TLE1: variants seen among roughly 807,000 people sequenced by gnomAD.
The protein encoded by TLE1 is TLE family member 1, transcriptional corepressor, also known as transducin-like enhancer protein 1.
In TLE1, 21 loss-of-function variants were observed where a neutral mutation model predicts 89.8. That is an observed-to-expected ratio of 0.23 (90% CI 0.17 to 0.34). The LOEUF (loss-of-function observed/expected upper bound fraction) is 0.34. Among genes scored for constraint, TLE1 ranks in the 10% least tolerant of loss-of-function variants. The probability of loss-of-function intolerance (pLI) is 1.00; values close to 1 mark genes in which losing one functional copy is unlikely to be tolerated. For synonymous variants in TLE1, 447 were observed against 407.6 expected, an observed-to-expected ratio of 1.10 and a Z score of -1.16; for missense variants, 795 against 1,031.2, an observed-to-expected ratio of 0.77 and a Z score of 3.14.
chr9:81,685,382 A>C (rs72749005), intron 4 of TLE1, among the ~76,000 whole-genome samples: 14,691 of 152,254 alleles, frequency 0.096, 753 homozygotes, highest in South Asian at 0.16. Flanking sequence ...TTTCAAGAGG[A>C]TAAATCTATA....
In TLE1 at chr9:81,611,962, G is replaced by A. The variant is rs777002641; in HGVS notation, c.1064-3C>T. The A allele has an allele frequency of 3.1e-5, 44 of 1,439,662 alleles. No homozygotes were observed. Among genetic ancestry groups the A allele is most frequent in the Non-Finnish European group, 3.7e-5 (41 of 1,094,882 alleles). 89.2% of individuals were successfully genotyped at this position (1,439,662 alleles called of 1,614,324 possible). The stretch of plus-strand genomic sequence containing the variant: ...CAGGGGTGTCCTCAAGCCAGCTGCT[G>A]AAAGGAAACACAAGCCGCACATCAT... On this transcript the variant is annotated splice_polypyrimidine_tract_variant and splice_region_variant and intron_variant, in intron 12 of 19. Transcript: ENST00000376499.
At chr9:81,685,108 G>A (rs966816625) in intron 4 of TLE1, among the ~76,000 whole-genome samples, 2 of 152,060 alleles carry the variant, frequency 1.3e-5, no homozygotes, top group Non-Finnish European at 2.9e-5. Flanking sequence ...GCCATAAAAA[G>A]ATGCTTTTTT....
chr9:81,595,116 A>G (rs1211005370), intron 14 of TLE1, among the ~76,000 whole-genome samples: 1 of 152,224 alleles, frequency 6.6e-6, no homozygotes, highest in Non-Finnish European at 1.5e-5. Flanking sequence ...GTCCTGGGGA[A>G]TAAATACACA....
chr9:81,676,448 G>T (rs1213950284), intron 4 of TLE1, among the ~76,000 whole-genome samples: 1 of 152,200 alleles, frequency 6.6e-6, no homozygotes, highest in Non-Finnish European at 1.5e-5. Context: ...ACTGGGACTT[G>T]AAGGAGACTG....
At chr9:81,590,390 C>T (rs1829311301) in intron 16 of TLE1, among the ~76,000 whole-genome samples, 1 of 152,178 alleles carries the variant, frequency 6.6e-6, no homozygotes. Flanking sequence ...CTTCTCATGT[C>T]CCTTTGTTGA....
At chr9:81,681,689 G>A (rs1348975231) in intron 4 of TLE1, among the ~76,000 whole-genome samples, 3 of 152,128 alleles carry the variant, frequency 2.0e-5, no homozygotes, top group African/African-American at 7.2e-5. Context: ...CAGGATTCCT[G>A]ACTTGTTTCT....
intron 4 of TLE1, among the ~76,000 whole-genome samples, chr9:81,658,737 A>G (rs1204089308): frequency 2.0e-5 from 3 of 152,258 alleles, no homozygotes; most frequent in Middle Eastern, 3.4e-3. Context: ...CTCCAAGAGG[A>G]CTTCATGAAC....
rs542992333 is a variant in TLE1 at position 81,611,802 on chromosome 9, CGCGGCGGCT to C, written c.1212_1220del (p.Ala407_Ala409del). On this transcript the variant is annotated inframe_deletion, in exon 13 of 20. Transcript: ENST00000376499. ...AGCGCCCGTAGGCCACCACGGCGGC[CGCGGCGGCT>C]GCGGCGCTCATCTGGGGCGACATGT... 2.9e-4 allele frequency: 444 copies of C among 1,547,878 alleles called. No homozygotes were observed. Among genetic ancestry groups the C allele is most frequent in the East Asian group, 1.3e-3 (51 of 39,318 alleles).
intron 4 of TLE1, 82 bp from the exon 5 acceptor site, chr9:81,654,118 A>G: frequency 1.6e-6 from 2 of 1,254,590 alleles, no homozygotes; most frequent in Non-Finnish European, 2.3e-6. Flanking sequence ...CTAACACTTC[A>G]GTCCTCCTCT....
At chr9:81,590,717 T>G (rs1250459577) in intron 16 of TLE1, 88 bp downstream of exon 16, 1 of 1,543,724 alleles carries the variant, frequency 6.5e-7, no homozygotes, top group Non-Finnish European at 8.7e-7. Context: ...TCTTATTGTG[T>G]GGGCTGCAGG....
chr9:81,604,787 A>G (rs1025810486), intron 14 of TLE1, among the ~76,000 whole-genome samples: 1 of 152,120 alleles, frequency 6.6e-6, no homozygotes, highest in Non-Finnish European at 1.5e-5. Context: ...GGATCCCTCA[A>G]GCTCTCTCTC....
intron 6 of TLE1, among the ~76,000 whole-genome samples, chr9:81,638,028 A>G (rs1827628383): frequency 6.6e-6 from 1 of 152,178 alleles, no homozygotes; most frequent in Non-Finnish European, 1.5e-5. Context: ...AAGAAAGGAA[A>G]AGGGCAAAGC....
chr9:81,588,445 C>T (rs1442107308), intron 16 of TLE1, among the ~76,000 whole-genome samples: 4 of 152,262 alleles, frequency 2.6e-5, no homozygotes, highest in South Asian at 4.1e-4. Flanking sequence ...CAAAGGGTCA[C>T]GCATGCCGGC....
chr9:81,597,943 T>A (rs148656064), intron 14 of TLE1, among the ~76,000 whole-genome samples: 36 of 152,112 alleles, frequency 2.4e-4, no homozygotes, highest in African/African-American at 8.4e-4. Flanking sequence ...CTGTGTTCTG[T>A]GGTCAAAGGA....
chr9:81,685,481 C>A (rs751959792), intron 4 of TLE1, among the ~76,000 whole-genome samples, 195 bp downstream of exon 4: 2 of 152,158 alleles, frequency 1.3e-5, no homozygotes, highest in African/African-American at 2.4e-5. Context: ...CTCTCCTAGT[C>A]ATTTAAACAC....
rs572429256 is a variant in TLE1, at chr9:81,686,493, G to A, written c.126-597C>T. ...AGATATTATCTACAAGTAGACAAAA[G>A]GTCAATAATGAGAAAGCCCCTGACA... On this transcript the variant is annotated intron_variant, in intron 2 of 19. Transcript: ENST00000376499. 5.3e-5 allele frequency among the ~76,000 whole-genome samples: 8 copies of A among 152,264 alleles called. No individual in the cohort carries two copies. In the South Asian group the frequency reaches 1.7e-3, roughly 32 times the overall value.
chr9:81,675,352 CATT>C (rs1832743113), intron 4 of TLE1, among the ~76,000 whole-genome samples: 1 of 152,036 alleles, frequency 6.6e-6, no homozygotes, highest in South Asian at 2.1e-4. Flanking sequence ...TGGTTATACT[CATT>C]ATTACTAAGA....
At chr9:81,676,928 CAATGTATGT>C (rs1832970010) in intron 4 of TLE1, among the ~76,000 whole-genome samples, 1 of 152,218 alleles carries the variant, frequency 6.6e-6, no homozygotes, top group Non-Finnish European at 1.5e-5. Flanking sequence ...TGTAATACAA[CAATGTATGT>C]ATGTAACTTA....
At chr9:81,587,179 T>C (rs1423489354) in intron 17 of TLE1, among the ~76,000 whole-genome samples, 1 of 152,164 alleles carries the variant, frequency 6.6e-6, no homozygotes, top group East Asian at 1.9e-4. Context: ...AGGAATAAAA[T>C]GGGTATCACT....
Sources: gnomAD v4.1 joint callset for allele counts (sites outside exome capture counted in the v4.1 genomes callset) on GRCh38, gnomAD v4.1.1 for gene constraint, MANE v1.5 for transcripts, NCBI Gene and HGNC (gene_info 2026-07-23, HGNC 2026-07-21) for gene names.